TAFA2: variants seen among roughly 807,000 people sequenced by gnomAD.
TAFA2 encodes chemokine-like protein TAFA-2.
Under a neutral mutation model 18.8 loss-of-function variants are expected in TAFA2, and 7 were observed. That is an observed-to-expected ratio of 0.37 (90% CI 0.21 to 0.70). TAFA2 has a LOEUF of 0.70. TAFA2 is among the 30% of genes least tolerant of loss of function. TAFA2 has a pLI of 0.53. For missense variants in TAFA2, 122 were observed against 158.1 expected, an observed-to-expected ratio of 0.77 and a Z score of 1.23; for synonymous variants, 60 against 54.2, an observed-to-expected ratio of 1.11 and a Z score of -0.47.
At chr12:62,076,968 G>T (rs1043390547) in intron 1 of TAFA2, among the ~76,000 whole-genome samples, 2 of 152,152 alleles carry the variant, frequency 1.3e-5, no homozygotes, top group Non-Finnish European at 2.9e-5. Flanking sequence ...ATGAAGCCTC[G>T]ATGAGTTTTA....
At chr12:61,812,571 T>G (rs199536693) in intron 2 of TAFA2, among the ~76,000 whole-genome samples, 1 of 136,098 alleles carries the variant, frequency 7.3e-6, no homozygotes, top group African/African-American at 2.8e-5. Context: ...TGTTCCCATC[T>G]TTTTTTTTTT....
At chr12:62,188,541 T>C (rs1322632092) in intron 1 of TAFA2, among the ~76,000 whole-genome samples, 1 of 152,182 alleles carries the variant, frequency 6.6e-6, no homozygotes, top group African/African-American at 2.4e-5. Flanking sequence ...GGACCTTTTC[T>C]TAGGGGCCAA....
chr12:61,796,863 G>A (rs1871209333), intron 2 of TAFA2, among the ~76,000 whole-genome samples: 1 of 152,002 alleles, frequency 6.6e-6, no homozygotes, highest in Non-Finnish European at 1.5e-5. Flanking sequence ...ATGGAGTCAT[G>A]GTTAACCTGA....
intron 2 of TAFA2, among the ~76,000 whole-genome samples, chr12:61,757,546 T>G (rs1296605411): frequency 6.6e-6 from 1 of 151,908 alleles, no homozygotes; most frequent in Non-Finnish European, 1.5e-5. Flanking sequence ...CCGTCTTGAG[T>G]GATCTAAGCC....
At chr12:61,760,289 TGATA>T (rs529557486) in intron 2 of TAFA2, among the ~76,000 whole-genome samples, 39 of 148,318 alleles carry the variant, frequency 2.6e-4, no homozygotes, top group Middle Eastern at 3.5e-3. Context: ...ATGAAATAGA[TGATA>T]GATAGATGAT....
chr12:62,031,682 G>A (rs955097440), intron 1 of TAFA2, among the ~76,000 whole-genome samples: 5 of 152,116 alleles, frequency 3.3e-5, no homozygotes, highest in Non-Finnish European at 7.3e-5. Context: ...TATACACTTT[G>A]AGAACTTGGG....
intron 4 of TAFA2, among the ~76,000 whole-genome samples, chr12:61,741,300 G>C (rs980763783): frequency 6.6e-6 from 1 of 151,500 alleles, no homozygotes; most frequent in African/African-American, 2.4e-5. Context: ...GTGTGTGTGT[G>C]TGTATGTGTC....
intron 1 of TAFA2, among the ~76,000 whole-genome samples, chr12:62,050,337 G>A (rs1025653463): frequency 6.6e-6 from 1 of 152,074 alleles, no homozygotes; most frequent in African/African-American, 2.4e-5. Context: ...TTGGGAGGCC[G>A]AGGTGGGTAG....
chr12:61,985,874 G>T (rs1879795061), intron 1 of TAFA2, among the ~76,000 whole-genome samples: 3 of 152,144 alleles, frequency 2.0e-5, no homozygotes, highest in African/African-American at 4.8e-5. Flanking sequence ...GTGAAATACA[G>T]ATCCACATGT....
chr12:61,856,650 GCTATTTT>G (rs1873897691), intron 2 of TAFA2, among the ~76,000 whole-genome samples: 1 of 151,786 alleles, frequency 6.6e-6, no homozygotes, highest in African/African-American at 2.4e-5. Context: ...TTTTGTTAGT[GCTATTTT>G]ATACTTTCTA....
At chr12:61,884,739 ACT>A (rs1875297403) in intron 1 of TAFA2, among the ~76,000 whole-genome samples, 1 of 152,178 alleles carries the variant, frequency 6.6e-6, no homozygotes, top group African/African-American at 2.4e-5. Flanking sequence ...ACCAATTTGC[ACT>A]GTGTCTTAAA....
chr12:62,003,827 T>C (rs1178660130), intron 1 of TAFA2, among the ~76,000 whole-genome samples: 1 of 152,224 alleles, frequency 6.6e-6, no homozygotes, highest in East Asian at 1.9e-4. Flanking sequence ...CATAAATACA[T>C]TTCTATGTGT....
At chr12:61,787,049 C>T (rs74451999) in intron 2 of TAFA2, among the ~76,000 whole-genome samples, 6,937 of 151,564 alleles carry the variant, frequency 0.046, 507 homozygotes, top group African/African-American at 0.16. Context: ...AGTCTAAATA[C>T]TCCCATTAAA....
intron 1 of TAFA2, among the ~76,000 whole-genome samples, chr12:62,133,081 C>T (rs1870754260): frequency 6.6e-6 from 1 of 151,936 alleles, no homozygotes; most frequent in Non-Finnish European, 1.5e-5. Context: ...ATCCTTGACC[C>T]TCATCCACTA....
intron 4 of TAFA2, among the ~76,000 whole-genome samples, chr12:61,726,077 T>C (rs1870153305): frequency 6.6e-6 from 1 of 151,792 alleles, no homozygotes; most frequent in Non-Finnish European, 1.5e-5. Context: ...CATTTACACA[T>C]TTCTAATCCT....
intron 1 of TAFA2, among the ~76,000 whole-genome samples, chr12:62,231,702 A>G (rs1290508830): frequency 6.6e-6 from 1 of 152,206 alleles, no homozygotes; most frequent in African/African-American, 2.4e-5. Context: ...CACAAACAGA[A>G]TAAATTTAAG....
upstream of TAFA2, among the ~76,000 whole-genome samples, chr12:62,197,252 G>C (rs960986431): frequency 2.6e-5 from 4 of 152,212 alleles, no homozygotes; most frequent in Admixed American, 1.3e-4. Context: ...CTGCAATAAA[G>C]TAAGGCACAA....
chr12:62,001,550 C>G (rs888275375), intron 1 of TAFA2, among the ~76,000 whole-genome samples: 4 of 152,166 alleles, frequency 2.6e-5, no homozygotes, highest in African/African-American at 7.2e-5. Flanking sequence ...CCCTCACATG[C>G]GCAGATCACA....
intron 1 of TAFA2, among the ~76,000 whole-genome samples, chr12:61,930,325 C>T (rs1877504107): frequency 6.6e-6 from 1 of 152,076 alleles, no homozygotes; most frequent in African/African-American, 2.4e-5. Flanking sequence ...AAGAGCTAAA[C>T]TAAGTTGAGA....
Sources: allele counts gnomAD v4.1 joint callset (sites outside exome capture counted in the v4.1 genomes callset), GRCh38; gene constraint gnomAD v4.1.1; transcripts MANE v1.5; gene names NCBI Gene and HGNC (gene_info 2026-07-23, HGNC 2026-07-21).